Variants in CYC1 observed in about 807,000 individuals in gnomAD.
CYC1 encodes cytochrome c1, heme protein, mitochondrial.
In CYC1, 10 loss-of-function variants were observed where a neutral mutation model predicts 33.8. That is an observed-to-expected ratio of 0.30 (90% CI 0.18 to 0.50). The LOEUF is 0.50. CYC1 is among the 20% of genes least tolerant of loss of function. CYC1 has a pLI of 0.98. For synonymous variants in CYC1, 224 were observed against 181.9 expected, an observed-to-expected ratio of 1.23 and a Z score of -1.86; for missense variants, 459 against 437.6, an observed-to-expected ratio of 1.05 and a Z score of -0.44.
chr8:144,096,113 C>G lies in CYC1; in HGVS notation c.327-11C>G, dbSNP rs538330029. 1 of 1,611,354 alleles carries G rather than the reference C, an allele frequency of 6.2e-7. No homozygotes were observed. The highest frequency in any genetic ancestry group is 1.1e-5 in the South Asian group (1 of 91,034). ...AATCTTCAGCTTTCCTAACCCTTTC[C>G]CTCCCTCCAGCATCCGGAGGGGTTT... is the stretch of plus-strand genomic sequence containing the variant. On this transcript the variant is annotated splice_polypyrimidine_tract_variant and intron_variant, in intron 2 of 6. Coordinates refer to ENST00000318911, the MANE Select transcript of CYC1 (RefSeq NM_001916.5).
intron 5 of CYC1, 99 bp downstream of exon 5, chr8:144,096,843 CTTCT>C: frequency 7.0e-7 from 1 of 1,422,292 alleles, no homozygotes; most frequent in Admixed American, 1.8e-5. Flanking sequence ...GTCCTGCCCA[CTTCT>C]TGTCTGGGGC....
chr8:144,096,822 G>A, intron 5 of CYC1, 78 bp downstream of exon 5: 1 of 1,504,556 alleles, frequency 6.6e-7, no homozygotes, highest in Non-Finnish European at 9.1e-7. Flanking sequence ...CTGTGTTCCT[G>A]GGTCCAGGAG....
chr8:144,095,120 G>T lies in CYC1; in HGVS notation c.21G>T (p.Ser7=). 8.3e-7 allele frequency: 1 copy of T among 1,210,742 alleles called. No individual in the cohort carries two copies. The allele number at this position is 1,210,742 out of a possible 1,614,324, so 75.0% of individuals were successfully genotyped here. A position where few individuals can be genotyped will look rare whatever the true frequency, so the allele number is the denominator to read the frequency against. ...CCAAGATGGCGGCAGCTGCGGCTTC[G>T]CTTCGCGGGGTAGTGTTGGGCCCGC... The part of the protein sequence containing the change: MAAAAA[S]LRGVVLGPRG... The change falls in exon 1 of 7, where the codon TCG becomes TCT. Residue 7 remains serine (S), a synonymous_variant. Transcript: ENST00000318911.
At position 144,096,592 on chromosome 8, in the gene CYC1, G is replaced by A. The variant is rs1836159649; in HGVS notation, c.620G>A (p.Gly207Asp). The A allele has an allele frequency of 6.2e-7, 1 of 1,613,980 alleles. No individual in the cohort carries two copies. The highest frequency in any genetic ancestry group is 8.5e-7 in the Non-Finnish European group (1 of 1,180,026). ...CATGGATCTGGTCCTAGGCATGGTG[G>A]TGAGGACTACGTCTTCTCCCTGCTC... Reference protein sequence around the residue: ...LSYIVRARHGGEDYVFSLLTG... With the variant: ...LSYIVRARHGDEDYVFSLLTG... The change falls in exon 5 of 7, where the codon GGT becomes GAT. Residue 207 changes from glycine to aspartate, a missense_variant. Physicochemically the swap from Gly to Asp is moderately conservative, Grantham distance 94. Transcript: ENST00000318911.
rs781559773 is a variant in CYC1, at chr8:144,096,383, G to A, written c.500G>A (p.Arg167Gln). The A allele has an allele frequency of 6.2e-7, 1 of 1,614,040 alleles. No homozygotes were observed. Residue 167 changes from arginine (R) to glutamine (Q), a missense_variant, in exon 4 of 7, where the codon CGG becomes CAG. Transcript: ENST00000318911. ...AATGAAGATGGGGAGATGTTCATGC[G>A]GCCAGGGAAGCTGTTCGACTATTTC... ...GPNEDGEMFM[R>Q]PGKLFDYFPK...
Position 144,096,326 on chromosome 8 carries a change from C to T in CYC1, c.454-11C>T, listed in dbSNP as rs1411301860. On this transcript the variant is annotated splice_polypyrimidine_tract_variant and intron_variant, in intron 3 of 6. Transcript: ENST00000318911. ...GAGATGGCAGGGTTGTGATGAGGCT[C>T]TCGGTGGCAGGTGGAGGTTCAAGAC... The T allele has an allele frequency of 3.1e-6, 5 of 1,613,728 alleles. No individual in the cohort carries two copies. Among genetic ancestry groups the T allele is most frequent in the South Asian group, 1.1e-5 (1 of 91,048 alleles).
Position 144,096,207 on chromosome 8 carries a change from G to C in CYC1, c.410G>C (p.Gly137Ala). 2 of 1,614,144 alleles carry C rather than the reference G, an allele frequency of 1.2e-6. No individual in the cohort carries two copies. Among genetic ancestry groups the C allele is most frequent in the Non-Finnish European group, 1.7e-6 (2 of 1,180,004 alleles). Residue 137 changes from glycine (G) to alanine (A), a missense_variant, in exon 3 of 7, where the codon GGC (glycine) becomes GCC (alanine). Coordinates refer to ENST00000318911, the MANE Select transcript of CYC1 (RefSeq NM_001916.5). ...TTCGTGGCCTACCGCCACCTGGTGGGCGTGTGCTACACGGAGGATGAAGCT... is the reference window on the plus strand; with the variant it reads ...TTCGTGGCCTACCGCCACCTGGTGGCCGTGTGCTACACGGAGGATGAAGCT... ...MDFVAYRHLV[G>A]VCYTEDEAKE...
chr8:144,095,261 G>A (rs1194194581), intron 1 of CYC1, 33 bp downstream of exon 1: 7 of 1,194,142 alleles, frequency 5.9e-6, no homozygotes, highest in Non-Finnish European at 7.3e-6. Flanking sequence ...GCCTCCGCGC[G>A]GCCCCGCATC....
In CYC1 at chr8:144,096,223, G is replaced by T. The variant is rs201814058; in HGVS notation, c.426G>T (p.Glu142Asp). 8.1e-6 allele frequency: 13 copies of T among 1,614,132 alleles called. No homozygotes were observed. The highest frequency in any genetic ancestry group is 9.3e-6 in the Non-Finnish European group (11 of 1,180,006). Residue 142 changes from glutamate (E) to aspartate (D), a missense_variant, in exon 3 of 7, where the codon GAG (glutamate) becomes GAT (aspartate). Transcript: ENST00000318911. Reference sequence around the variant, plus strand: ...ACCTGGTGGGCGTGTGCTACACGGAGGATGAAGCTAAGGAGCTGGCTGCGG... The same window carrying T: ...ACCTGGTGGGCGTGTGCTACACGGATGATGAAGCTAAGGAGCTGGCTGCGG... ...YRHLVGVCYTEDEAKELAAEV... is the reference protein window; with the variant it reads ...YRHLVGVCYTDDEAKELAAEV...
At chr8:144,095,796 G>GGT in intron 1 of CYC1, 37 bp from the exon 2 acceptor site, 1 of 1,595,558 alleles carries the variant, frequency 6.3e-7, no homozygotes, top group Non-Finnish European at 8.5e-7. Context: ...GTAGGGCTGG[G>GGT]TGGTGTCCTG....
In CYC1 at chr8:144,097,265, G is replaced by T; in HGVS notation, c.907G>T (p.Val303Phe). ...LMMMALLVPL[V>F]YTIKRHKWSV... Reference sequence around the variant, plus strand: ...GATGATGGCTCTGCTGGTGCCCCTGGTCTACACCATAAAGCGGCACAAGTG... The same window carrying T: ...GATGATGGCTCTGCTGGTGCCCCTGTTCTACACCATAAAGCGGCACAAGTG... Residue 303 changes from valine (V) to phenylalanine (F), a missense_variant, in exon 7 of 7, where the codon GTC becomes TTC. Physicochemically the swap from Val to Phe is conservative, Grantham distance 50. Transcript: ENST00000318911. The T allele has an allele frequency of 6.2e-7, 1 of 1,614,060 alleles. No individual in the cohort carries two copies. Among genetic ancestry groups the T allele is most frequent in the Non-Finnish European group, 8.5e-7 (1 of 1,180,008 alleles).
In CYC1 at chr8:144,095,892, G is replaced by C; in HGVS notation, c.189G>C (p.Ala63=). The C allele has an allele frequency of 6.2e-7, 1 of 1,609,222 alleles. No homozygotes were observed. Among genetic ancestry groups the C allele is most frequent in the Non-Finnish European group, 8.5e-7 (1 of 1,179,834 alleles). The change falls in exon 2 of 7, where the codon GCG becomes GCC. Residue 63 remains alanine (A), a synonymous_variant. Coordinates refer to ENST00000318911, the MANE Select transcript of CYC1 (RefSeq NM_001916.5). ...LSRGRKVMLS[A]LGMLAAGGAG... is the part of the protein sequence containing the mutation. ...GAGGCCGGAAAGTGATGCTGTCAGC[G>C]CTGGGCATGCTGGCGGCAGGGGGTG...
chr8:144,096,914 G>A (rs748319053), intron 5 of CYC1, 120 bp from the exon 6 acceptor site: 6 of 1,163,290 alleles, frequency 5.2e-6, no homozygotes, highest in Non-Finnish European at 7.5e-6. Context: ...CGTATGTCCG[G>A]TGGAGGGTAC....
intron 4 of CYC1, 44 bp from the exon 5 acceptor site, chr8:144,096,540 G>A (rs1836158292): frequency 5.6e-6 from 9 of 1,613,996 alleles, no homozygotes; most frequent in South Asian, 1.1e-5. Flanking sequence ...TGGGGGAAGG[G>A]CTGACTTGTG....
In CYC1 at chr8:144,096,516, T is replaced by G. The variant is rs560569152; in HGVS notation, c.611+22T>G. ...CTAGGTACACGGGCTGCCCATGGGG[T>G]GGTGCTGGAGAGATGGGGGAAGGGC... On this transcript the variant is annotated intron_variant, in intron 4 of 6. Coordinates refer to ENST00000318911, the MANE Select transcript of CYC1 (RefSeq NM_001916.5). 103 of 1,613,540 alleles carry G rather than the reference T, an allele frequency of 6.4e-5. 1 individual carries two copies. The South Asian group carries it at 1.1e-3, about 17-fold the overall frequency.
At chr8:144,096,838 G>A in intron 5 of CYC1, 94 bp downstream of exon 5, 2 of 1,451,564 alleles carry the variant, frequency 1.4e-6, no homozygotes, top group South Asian at 1.2e-5. Context: ...AGGAGGTCCT[G>A]CCCACTTCTT....
chr8:144,095,470 G>A (rs1011646084), intron 1 of CYC1: 20 of 439,176 alleles, frequency 4.6e-5, no homozygotes, highest in Non-Finnish European at 7.5e-5. Context: ...GCCGTGGCGG[G>A]GCTGGGGCTT....
At chr8:144,096,274 G>C (rs1564310677) in intron 3 of CYC1, 24 bp downstream of exon 3, 1 of 1,613,604 alleles carries the variant, frequency 6.2e-7, no homozygotes, top group Non-Finnish European at 8.5e-7. Context: ...GGATGCCTGG[G>C]ACCCAGGGCT....
chr8:144,096,864 T>C, intron 5 of CYC1, 120 bp downstream of exon 5: 10 of 1,298,490 alleles, frequency 7.7e-6, no homozygotes, highest in Non-Finnish European at 7.6e-6. Flanking sequence ...GGGCGTCTTC[T>C]GTGCATGTCT....
Sources: gnomAD v4.1 joint callset for allele counts on GRCh38, gnomAD v4.1.1 for gene constraint, MANE v1.5 for transcripts, NCBI Gene and HGNC (gene_info 2026-07-23, HGNC 2026-07-21) for gene names.